The following HEMK2 variants were observed in gnomAD, a reference collection of about 807,000 sequenced individuals.
HEMK2 encodes the protein HemK methyltransferase 2, ETF1 glutamine and histone H4 lysine.
the HEMK2 span, among the ~76,000 whole-genome samples, chr21:28,798,929 T>C: frequency 6.6e-6 from 1 of 152,234 alleles, no homozygotes; most frequent in Non-Finnish European, 1.5e-5. Context: ...TTGAGATGTC[T>C]GTGCCTTCCT....
the HEMK2 span, among the ~76,000 whole-genome samples, chr21:28,831,114 G>A: frequency 3.5e-4 from 53 of 151,956 alleles, no homozygotes; most frequent in South Asian, 8.3e-3. Flanking sequence ...TCATAGCTAC[G>A]CAAACAGAAG....
chr21:28,578,950 A>G, the HEMK2 span, among the ~76,000 whole-genome samples: 1 of 152,246 alleles, frequency 6.6e-6, no homozygotes, highest in Admixed American at 6.5e-5. Context: ...ATGGAATTAA[A>G]TGTAATGTCA....
chr21:28,884,703 G>T, the HEMK2 span, among the ~76,000 whole-genome samples: 23 of 152,272 alleles, frequency 1.5e-4, no homozygotes, highest in South Asian at 4.4e-3. Flanking sequence ...GTGAGGACTG[G>T]CTGGTGCTAG....
the HEMK2 span, among the ~76,000 whole-genome samples, chr21:28,656,712 G>A: frequency 2.0e-5 from 3 of 152,012 alleles, no homozygotes; most frequent in African/African-American, 7.2e-5. Context: ...GCCTCACAAA[G>A]GAGGCAAAGA....
At chr21:28,705,205 TA>T in the HEMK2 span, among the ~76,000 whole-genome samples, 1 of 152,174 alleles carries the variant, frequency 6.6e-6, no homozygotes, top group East Asian at 1.9e-4. Context: ...TATTAACAAA[TA>T]TTTTTTAACA....
the HEMK2 span, among the ~76,000 whole-genome samples, chr21:28,718,259 A>G: frequency 6.6e-6 from 1 of 152,068 alleles, no homozygotes; most frequent in African/African-American, 2.4e-5. Flanking sequence ...ATTGATTTCT[A>G]TTTTATTCCA....
the HEMK2 span, among the ~76,000 whole-genome samples, chr21:28,850,373 C>T: frequency 2.0e-5 from 3 of 152,040 alleles, no homozygotes; most frequent in South Asian, 2.1e-4. Context: ...TACAGGCGCC[C>T]GCCACCACGC....
chr21:28,808,041 C>T, the HEMK2 span, among the ~76,000 whole-genome samples: 3 of 151,992 alleles, frequency 2.0e-5, no homozygotes, highest in African/African-American at 7.2e-5. Context: ...AGAGCAAGTG[C>T]CTCCCCCAAA....
the HEMK2 span, among the ~76,000 whole-genome samples, chr21:28,738,200 T>G: frequency 1.3e-5 from 2 of 152,232 alleles, no homozygotes; most frequent in Admixed American, 1.3e-4. Context: ...ACTTTCTTTC[T>G]CAGAAAGCTA....
chr21:28,693,406 G>A, the HEMK2 span, among the ~76,000 whole-genome samples: 1 of 152,080 alleles, frequency 6.6e-6, no homozygotes, highest in Non-Finnish European at 1.5e-5. Context: ...TGGGTACTAT[G>A]ACTTATAACA....
the HEMK2 span, among the ~76,000 whole-genome samples, chr21:28,838,436 A>G: frequency 6.6e-6 from 1 of 151,998 alleles, no homozygotes; most frequent in Non-Finnish European, 1.5e-5. Flanking sequence ...CTGGAGGCTG[A>G]GGCAGGAGAA....
At chr21:28,634,258 T>C in the HEMK2 span, among the ~76,000 whole-genome samples, 6 of 152,150 alleles carry the variant, frequency 3.9e-5, no homozygotes, top group Admixed American at 3.9e-4. Context: ...CTGGGAAGTG[T>C]GCAAGGGGGG....
the HEMK2 span, among the ~76,000 whole-genome samples, chr21:28,758,529 C>T: frequency 1.3e-5 from 2 of 152,184 alleles, no homozygotes; most frequent in African/African-American, 4.8e-5. Flanking sequence ...CAGTGAGGAG[C>T]TCAGCAACTG....
chr21:28,870,471 A>G, the HEMK2 span, among the ~76,000 whole-genome samples: 1 of 151,984 alleles, frequency 6.6e-6, no homozygotes, highest in Non-Finnish European at 1.5e-5. Context: ...GCATGATCTC[A>G]GCTCACTGCC....
the HEMK2 span, chr21:28,876,534 T>C: frequency 1.1e-3 from 1,403 of 1,305,626 alleles, 9 homozygotes; most frequent in East Asian, 0.013. Context: ...AGCCATTTGG[T>C]AGTGTGCATG....
chr21:28,716,354 C>T, the HEMK2 span, among the ~76,000 whole-genome samples: 3 of 151,990 alleles, frequency 2.0e-5, no homozygotes, highest in Non-Finnish European at 4.4e-5. Context: ...CCCTCCTTGA[C>T]TAGATGTATT....
At chr21:28,766,689 T>C in the HEMK2 span, among the ~76,000 whole-genome samples, 1,650 of 151,686 alleles carry the variant, frequency 0.011, 25 homozygotes, top group African/African-American at 0.037. Flanking sequence ...AGGAAGGAAA[T>C]AATGTCTTTT....
chr21:28,723,269 G>C, the HEMK2 span, among the ~76,000 whole-genome samples: 2 of 152,132 alleles, frequency 1.3e-5, no homozygotes, highest in Admixed American at 6.5e-5. Flanking sequence ...TTCCATCTCA[G>C]CCTCCTAAAG....
At chr21:28,650,764 C>T in the HEMK2 span, among the ~76,000 whole-genome samples, 1 of 152,174 alleles carries the variant, frequency 6.6e-6, no homozygotes, top group Non-Finnish European at 1.5e-5. Context: ...TTTGGAAGTC[C>T]TCGGCATATA....
Sources: gnomAD v4.1 joint callset for allele counts (sites outside exome capture counted in the v4.1 genomes callset) on GRCh38, gnomAD v4.1.1 for gene constraint, MANE v1.5 for transcripts, NCBI Gene and HGNC (gene_info 2026-07-23, HGNC 2026-07-21) for gene names.